NPC1: variants seen among roughly 807,000 people sequenced by gnomAD.
NPC1 encodes the protein NPC intracellular cholesterol transporter 1, also known as Niemann-Pick C1 protein.
In NPC1, 85 loss-of-function variants were observed where a neutral mutation model predicts 140.4. That is an observed-to-expected ratio of 0.61 (90% CI 0.51 to 0.72). NPC1 has a LOEUF of 0.72. Ranked by LOEUF, NPC1 falls within the 30% of genes least tolerant of loss-of-function variation. The pLI is 0.00. For missense variants in NPC1, 1,504 were observed against 1,623.8 expected (o/e 0.93, Z 1.27); for synonymous variants, 656 against 624.8 (o/e 1.05, Z -0.74).
chr18:23,532,164 C>G lies in NPC1; in HGVS notation c.*38G>C, dbSNP rs2058532323. On this transcript the variant is annotated 3_prime_UTR_variant, in exon 25 of 25. Coordinates refer to ENST00000269228, the MANE Select transcript of NPC1 (RefSeq NM_000271.5). ...CCCGTCCAGTGGTAAACCGACCGACCCTTAGACACAGTTCAGTCAGGATGC... is the reference window on the plus strand; with the variant it reads ...CCCGTCCAGTGGTAAACCGACCGACGCTTAGACACAGTTCAGTCAGGATGC... The G allele has an allele frequency of 6.2e-6, 10 of 1,613,940 alleles. No homozygotes were observed. The highest frequency in any genetic ancestry group is 8.5e-6 in the Non-Finnish European group (10 of 1,180,034).
At position 23,541,059 on chromosome 18, in the gene NPC1, A is replaced by C. The variant is rs1466320929; in HGVS notation, c.2514+9T>G. Reference sequence around the variant, plus strand: ...AGAGGAAAGAGAAAAACCACAGATAAGCGCATACCACAATTGGTCTCATCC... The same window carrying C: ...AGAGGAAAGAGAAAAACCACAGATACGCGCATACCACAATTGGTCTCATCC... On this transcript the variant is annotated intron_variant, in intron 16 of 24. Transcript: ENST00000269228. The C allele has an allele frequency of 6.2e-7, 1 of 1,614,148 alleles. No individual in the cohort carries two copies. The highest frequency in any genetic ancestry group is 8.5e-7 in the Non-Finnish European group (1 of 1,179,982).
At chr18:23,529,855 T>C (rs1270691709), downstream of NPC1, 2 of 1,052,146 alleles carry the variant, frequency 1.9e-6, no homozygotes, top group East Asian at 4.7e-5. Context: ...ACATTATTAG[T>C]TGGAATGGGA....
chr18:23,538,825 T>C, intron 19 of NPC1, 154 bp from the exon 20 acceptor site: 1 of 763,310 alleles, frequency 1.3e-6, no homozygotes, highest in Non-Finnish European at 2.2e-6. Context: ...ATCTAAAAGC[T>C]TCAGCCACAT....
At chr18:23,541,514 C>T (rs1041475849) in intron 14 of NPC1, 81 bp from the exon 15 acceptor site, 22 of 1,589,394 alleles carry the variant, frequency 1.4e-5, no homozygotes, top group Non-Finnish European at 1.8e-5. Context: ...TGTGCATGTA[C>T]AGATACAAGG....
intron 3 of NPC1, among the ~76,000 whole-genome samples, chr18:23,511,626 A>AT (rs528225139): frequency 2.6e-3 from 391 of 152,094 alleles, no homozygotes; most frequent in Non-Finnish European, 5.1e-3. Flanking sequence ...AAAAAGGGGA[A>AT]TGTTGTATAT....
chr18:23,508,962 T>C (rs560014766), intron 3 of NPC1, among the ~76,000 whole-genome samples: 1 of 152,348 alleles, frequency 6.6e-6, no homozygotes, highest in South Asian at 2.1e-4. Flanking sequence ...AAACACAGAC[T>C]TCTCCTGTTC....
intron 18 of NPC1, 123 bp from the exon 19 acceptor site, chr18:23,539,593 C>G: frequency 1.2e-6 from 1 of 806,952 alleles, no homozygotes; most frequent in Non-Finnish European, 2.0e-6. Flanking sequence ...AAAAGAAAAA[C>G]TACATGAGCA....
At chr18:23,585,046 C>T (rs1249515601) in intron 1 of NPC1, among the ~76,000 whole-genome samples, 1 of 151,984 alleles carries the variant, frequency 6.6e-6, no homozygotes, top group East Asian at 1.9e-4. Context: ...GAACCTGTCT[C>T]TAAAATAAAT....
Position 23,538,543 on chromosome 18 carries a change from C to T in NPC1, c.3040G>A (p.Gly1014Arg), listed in dbSNP as rs1229243129. 1 of 1,614,000 alleles carries T rather than the reference C, an allele frequency of 6.2e-7. No individual in the cohort carries two copies. Among genetic ancestry groups the T allele is most frequent in the Non-Finnish European group, 8.5e-7 (1 of 1,180,000 alleles). Reference protein sequence around the residue: ...SDNPNPKCGKGGHAAYSSAVN... With the variant: ...SDNPNPKCGKRGHAAYSSAVN... Reference sequence around the variant, plus strand: ...ATCTGCAATGGCAGCAGCACTTACCCTTTGCCACACTTGGGGTTAGGGTTA... The same window carrying T: ...ATCTGCAATGGCAGCAGCACTTACCTTTTGCCACACTTGGGGTTAGGGTTA... The change falls in exon 20 of 25, where the codon GGG (glycine) becomes AGG (arginine). Residue 1014 changes from glycine to arginine, a missense_variant and splice_region_variant. By Grantham distance (125) the Gly-to-Arg change is moderately radical (BLOSUM62 -2). Coordinates refer to ENST00000269228, the MANE Select transcript of NPC1 (RefSeq NM_000271.5).
At chr18:23,534,589 T>C in intron 22 of NPC1, 30 bp from the exon 23 acceptor site, 1 of 1,565,134 alleles carries the variant, frequency 6.4e-7, no homozygotes, top group Non-Finnish European at 8.8e-7. Context: ...TTAGGATGGC[T>C]CTCTTCCTGT....
intron 6 of NPC1, among the ~76,000 whole-genome samples, chr18:23,559,273 T>C (rs1358994143): frequency 6.6e-6 from 1 of 152,202 alleles, no homozygotes; most frequent in Non-Finnish European, 1.5e-5. Flanking sequence ...GTATTTCTAG[T>C]TCTAGATGTA....
chr18:23,535,658 G>A lies in NPC1; in HGVS notation c.3288C>T (p.Asp1096=), dbSNP rs371093388. Residue 1096 remains aspartate (D), a synonymous_variant, in exon 22 of 25, where the codon GAC becomes GAT. Transcript: ENST00000269228. ...ACACACCGAGGTTGAAGATAGTGTC[G>A]TCAATGATGGTCAGGTACTGTTCGT... ...VFYEQYLTII[D]DTIFNLGVSL... 35 of 1,613,920 alleles carry A rather than the reference G, an allele frequency of 2.2e-5. No individual in the cohort carries two copies. The highest frequency in any genetic ancestry group is 5.5e-5 in the South Asian group (5 of 91,070).
intron 3 of NPC1, among the ~76,000 whole-genome samples, chr18:23,517,147 CTTTTTT>C (rs561567719): frequency 1.4e-5 from 2 of 145,780 alleles, no homozygotes; most frequent in Non-Finnish European, 3.0e-5. Flanking sequence ...TTTTCTTTTA[CTTTTTT>C]TTTTTGTTTG....
At chr18:23,537,996 G>A (rs1213904435) in intron 20 of NPC1, among the ~76,000 whole-genome samples, 2 of 152,134 alleles carry the variant, frequency 1.3e-5, no homozygotes, top group East Asian at 1.9e-4. Flanking sequence ...AGAGACTTCC[G>A]GTCATCATCA....
chr18:23,568,526 G>A (rs1463138073), intron 4 of NPC1, among the ~76,000 whole-genome samples: 2 of 152,168 alleles, frequency 1.3e-5, no homozygotes, highest in East Asian at 1.9e-4. Context: ...CACAACTCAT[G>A]TCTGTTAGAG....
chr18:23,536,009 AAAAC>A (rs2058625028), intron 21 of NPC1, among the ~76,000 whole-genome samples: 1 of 148,066 alleles, frequency 6.8e-6, no homozygotes, highest in Non-Finnish European at 1.5e-5. Flanking sequence ...AAAACACAAA[AAAAC>A]AAAGAATCCT....
intron 14 of NPC1, among the ~76,000 whole-genome samples, chr18:23,541,918 T>C (rs990495493): frequency 6.6e-6 from 1 of 152,244 alleles, no homozygotes; most frequent in Non-Finnish European, 1.5e-5. Flanking sequence ...ATGAATCAGA[T>C]GGTTCCTGTT....
At position 23,561,438 on chromosome 18, in the gene NPC1, T is replaced by C. The variant is rs139485263; in HGVS notation, c.553A>G (p.Asn185Asp). ...ATGTATTCAATCCAGTTGGTGGCATTACAGGCGTCAGCGTCCTTCCCACAC... is the reference window on the plus strand; with the variant it reads ...ATGTATTCAATCCAGTTGGTGGCATCACAGGCGTCAGCGTCCTTCCCACAC... The part of the protein sequence containing the change: ...LLCGKDADAC[N>D]ATNWIEYMFN... Residue 185 changes from asparagine (N) to aspartate (D), a missense_variant, in exon 5 of 25, where the codon AAT becomes GAT. By Grantham distance (23) the Asn-to-Asp change is conservative. Coordinates refer to ENST00000269228, the MANE Select transcript of NPC1 (RefSeq NM_000271.5). 255 of 1,614,082 alleles carry C rather than the reference T, an allele frequency of 1.6e-4. No individual in the cohort carries two copies. Among genetic ancestry groups the C allele is most frequent in the Non-Finnish European group, 2.0e-4 (232 of 1,180,028 alleles).
At chr18:23,527,589 C>CTT (rs71163615), downstream of NPC1, among the ~76,000 whole-genome samples, 4,071 of 108,270 alleles carry the variant, frequency 0.038, 260 homozygotes, top group African/African-American at 0.13. Flanking sequence ...CCTGCTATAG[C>CTT]TTTTTTTTTT....
Sources: gnomAD v4.1 joint callset for allele counts (sites outside exome capture counted in the v4.1 genomes callset) on GRCh38, gnomAD v4.1.1 for gene constraint, MANE v1.5 for transcripts, NCBI Gene and HGNC (gene_info 2026-07-23, HGNC 2026-07-21) for gene names.